The following CNDP2 variants were observed in gnomAD, a reference collection of about 807,000 sequenced individuals.
The protein encoded by CNDP2 is carnosine dipeptidase 2, also known as cytosolic non-specific dipeptidase.
In CNDP2, 38 loss-of-function variants were observed where a neutral mutation model predicts 55.0. The observed-to-expected ratio is 0.69, with a 90% CI of 0.53 to 0.90. The LOEUF is 0.90. Among genes scored for constraint, CNDP2 ranks in the 40% least tolerant of loss-of-function variants. CNDP2 has a pLI of 0.00. For missense variants in CNDP2, 607 were observed against 621.7 expected (o/e 0.98, Z 0.25); for synonymous variants, 241 against 260.2 (o/e 0.93, Z 0.71).
In CNDP2 at chr18:74,522,725, G is replaced by A. The variant is rs1387805732; in HGVS notation, c.*2657G>A. 2 of 152,386 alleles carry A rather than the reference G, an allele frequency of 1.3e-5. No individual in the cohort carries two copies. The highest frequency in any genetic ancestry group is 4.8e-5 in the African/African-American group (2 of 41,472). 9.4% of individuals were successfully genotyped at this position (152,386 alleles called of 1,614,324 possible). ...GACCTCCCAGCCTCCCGAACGTTGA[G>A]CCAATACATCTCTGCTCATTGTAAA... On this transcript the variant is annotated 3_prime_UTR_variant, in exon 12 of 12. Coordinates refer to ENST00000324262, the MANE Select transcript of CNDP2 (RefSeq NM_018235.3).
intron 9 of CNDP2, 197 bp from the exon 10 acceptor site, chr18:74,518,302 T>C (rs1030782484): frequency 5.8e-6 from 3 of 513,570 alleles, no homozygotes; most frequent in Non-Finnish European, 1.0e-5. Context: ...CCTCTTTCCT[T>C]ACTCTAGTTA....
chr18:74,515,189 G>A (rs1219252400), intron 8 of CNDP2, among the ~76,000 whole-genome samples: 4 of 152,186 alleles, frequency 2.6e-5, no homozygotes, highest in South Asian at 2.1e-4. Flanking sequence ...TGGTGAGCCC[G>A]GCCAGGATTT....
chr18:74,513,780 C>T (rs1398391831), intron 8 of CNDP2, 61 bp downstream of exon 8: 1 of 1,544,602 alleles, frequency 6.5e-7, no homozygotes, highest in African/African-American at 1.4e-5. Context: ...AGGTGTCCCC[C>T]AGGCCCTGTC....
At chr18:74,518,155 GA>G (rs1180154748) in intron 9 of CNDP2, 36 of 170,720 alleles carry the variant, frequency 2.1e-4, no homozygotes, top group South Asian at 5.4e-4. Flanking sequence ...CAGCTGCTCA[GA>G]GAGGCTGAGG....
At chr18:74,506,728 C>G (rs1979048501) in intron 4 of CNDP2, among the ~76,000 whole-genome samples, 1 of 152,240 alleles carries the variant, frequency 6.6e-6, no homozygotes, top group African/African-American at 2.4e-5. Flanking sequence ...GGCGATGTCC[C>G]TGTTATTCAC....
chr18:74,511,121 A>G, intron 6 of CNDP2, 108 bp downstream of exon 6: 2 of 933,446 alleles, frequency 2.1e-6, no homozygotes, highest in Non-Finnish European at 3.2e-6. Flanking sequence ...AGGAAGGAGA[A>G]GCACAGGGCT....
chr18:74,496,795 G>T (rs979220991), intron 1 of CNDP2, among the ~76,000 whole-genome samples: 1 of 152,188 alleles, frequency 6.6e-6, no homozygotes, highest in South Asian at 2.1e-4. Flanking sequence ...GGGTTGCGGG[G>T]AGCCGAGCGC....
At chr18:74,502,025 C>T (rs1978731962) in intron 3 of CNDP2, among the ~76,000 whole-genome samples, 1 of 152,252 alleles carries the variant, frequency 6.6e-6, no homozygotes, top group Admixed American at 6.5e-5. Flanking sequence ...TCCTGAGTAG[C>T]TGGGCGAGCG....
At position 74,521,797 on chromosome 18, in the gene CNDP2, C is replaced by G. The variant is rs1980063171; in HGVS notation, c.*1729C>G. 1 of 152,236 alleles carries G rather than the reference C, an allele frequency of 6.6e-6. No homozygotes were observed. The highest frequency in any genetic ancestry group is 1.5e-5 in the Non-Finnish European group (1 of 68,060). 9.4% of individuals were successfully genotyped at this position (152,236 alleles called of 1,614,324 possible). On this transcript the variant is annotated 3_prime_UTR_variant, in exon 12 of 12. Transcript: ENST00000324262. ...TGCTGCAGGTGAGACCCCTGACACA[C>G]TCTCAAATTGGTAGGCAAAGGTTTA...
At chr18:74,509,065 C>G (rs1346078381) in intron 5 of CNDP2, 137 bp downstream of exon 5, 3 of 653,380 alleles carry the variant, frequency 4.6e-6, no homozygotes, top group Non-Finnish European at 8.0e-6. Context: ...CTTATCAGCA[C>G]AGATGACTCG....
chr18:74,519,861 G>T (rs915000403), intron 11 of CNDP2, 138 bp from the exon 12 acceptor site: 2 of 701,016 alleles, frequency 2.9e-6, no homozygotes, highest in Non-Finnish European at 4.8e-6. Flanking sequence ...GGCAAGCAGG[G>T]CTCAGGGCCC....
intron 5 of CNDP2, 115 bp downstream of exon 5, chr18:74,509,043 C>G (rs992513430): frequency 2.4e-6 from 2 of 822,390 alleles, no homozygotes; most frequent in African/African-American, 1.7e-5. Flanking sequence ...ATAAGACAAG[C>G]GTCCCCCAGC....
Position 74,520,058 on chromosome 18 carries a change from T to C in CNDP2, c.1418T>C (p.Leu473Pro). ...LAAYLYEVSQ[L>P]KD The stretch of plus-strand genomic sequence containing the variant: ...GCGTACCTGTATGAGGTCTCCCAGC[T>C]GAAGGACTAGGCCAAGCCCTCTGTG... The change falls in exon 12 of 12, where the codon CTG becomes CCG. Residue 473 changes from leucine (L) to proline (P), a missense_variant. Transcript: ENST00000324262. 1 of 1,614,162 alleles carries C rather than the reference T, an allele frequency of 6.2e-7. No homozygotes were observed. The highest frequency in any genetic ancestry group is 8.5e-7 in the Non-Finnish European group (1 of 1,180,004).
intron 7 of CNDP2, among the ~76,000 whole-genome samples, 154 bp from the exon 8 acceptor site, chr18:74,513,405 C>G (rs904233589): frequency 2.0e-5 from 3 of 152,076 alleles, no homozygotes; most frequent in Non-Finnish European, 2.9e-5. Flanking sequence ...TCTGTGGACG[C>G]TTGTGGCTGC....
At chr18:74,500,812 G>C (rs1370549020) in intron 2 of CNDP2, among the ~76,000 whole-genome samples, 1 of 152,194 alleles carries the variant, frequency 6.6e-6, no homozygotes. Context: ...AGGGCTCACA[G>C]CACTAAAGAT....
intron 7 of CNDP2, 25 bp downstream of exon 7, chr18:74,512,557 C>G (rs777157023): frequency 1.2e-6 from 2 of 1,604,160 alleles, no homozygotes; most frequent in African/African-American, 1.3e-5. Flanking sequence ...GCATTCAGTC[C>G]GCAGTTGAGG....
At chr18:74,516,080 T>G in intron 8 of CNDP2, 148 bp from the exon 9 acceptor site, 1 of 810,746 alleles carries the variant, frequency 1.2e-6, no homozygotes, top group Non-Finnish European at 1.9e-6. Flanking sequence ...CACCTGCACC[T>G]GGACCTCCTG....
chr18:74,498,683 C>T (rs1311988207), intron 1 of CNDP2, among the ~76,000 whole-genome samples: 1 of 152,186 alleles, frequency 6.6e-6, no homozygotes, highest in Non-Finnish European at 1.5e-5. Context: ...AGGTGGATGA[C>T]AGTGTTATTT....
intron 3 of CNDP2, among the ~76,000 whole-genome samples, chr18:74,505,418 G>C (rs1451869098): frequency 6.6e-6 from 1 of 152,104 alleles, no homozygotes; most frequent in Admixed American, 6.6e-5. Flanking sequence ...GCGGGCAACA[G>C]TGAAACCCTG....
Sources: gnomAD v4.1 joint callset for allele counts (sites outside exome capture counted in the v4.1 genomes callset) on GRCh38, gnomAD v4.1.1 for gene constraint, MANE v1.5 for transcripts, NCBI Gene and HGNC (gene_info 2026-07-23, HGNC 2026-07-21) for gene names.